Variants in MTHFD1L observed in about 807,000 individuals in gnomAD.
The protein encoded by MTHFD1L is methylenetetrahydrofolate dehydrogenase (NADP+ dependent) 1 like.
In MTHFD1L, 81 loss-of-function variants were observed where a neutral mutation model predicts 119.5. The ratio of observed to expected loss-of-function variants is 0.68; its 90% CI spans 0.57 to 0.82. The LOEUF (loss-of-function observed/expected upper bound fraction) is 0.82. MTHFD1L is among the 40% of genes least tolerant of loss of function. The probability of loss-of-function intolerance (pLI) is 0.00; values close to 1 mark genes in which losing one functional copy is unlikely to be tolerated. For synonymous variants in MTHFD1L, 430 were observed against 475.2 expected, an observed-to-expected ratio of 0.90 and a Z score of 1.24; for missense variants, 1,125 against 1,253.4, an observed-to-expected ratio of 0.90 and a Z score of 1.55.
chr6:151,076,346 G>A (rs1562633252), intron 26 of MTHFD1L, among the ~76,000 whole-genome samples: 1 of 152,030 alleles, frequency 6.6e-6, no homozygotes, highest in Non-Finnish European at 1.5e-5. Context: ...GCAAGACCCT[G>A]TCCCAAAGAA....
intron 11 of MTHFD1L, among the ~76,000 whole-genome samples, chr6:150,934,270 C>G (rs1035566949): frequency 6.6e-6 from 1 of 152,198 alleles, no homozygotes; most frequent in Non-Finnish European, 1.5e-5. Flanking sequence ...CTCCTATTAA[C>G]TGCCCCAATC....
chr6:151,088,488 T>C (rs992946804), intron 26 of MTHFD1L: 4 of 152,182 alleles, frequency 2.6e-5, no homozygotes, highest in African/African-American at 9.7e-5. Context: ...ACAGATTCTC[T>C]CTCTGTTGCC....
chr6:151,031,825 A>G (rs549018090), intron 24 of MTHFD1L, among the ~76,000 whole-genome samples: 32 of 152,158 alleles, frequency 2.1e-4, no homozygotes, highest in Non-Finnish European at 4.1e-4. Context: ...ATAATTTTCA[A>G]GTTTATGCCT....
chr6:151,099,175 CAAAA>C (rs34747023), intron 27 of MTHFD1L, among the ~76,000 whole-genome samples: 3 of 124,366 alleles, frequency 2.4e-5, no homozygotes, highest in Non-Finnish European at 3.4e-5. Flanking sequence ...GACTCCATCT[CAAAA>C]AAAAAAAAAA....
intron 7 of MTHFD1L, among the ~76,000 whole-genome samples, chr6:150,896,610 A>G (rs1026548943): frequency 6.6e-6 from 1 of 152,126 alleles, no homozygotes; most frequent in Non-Finnish European, 1.5e-5. Flanking sequence ...GCTTTGTTTG[A>G]CAGATTTAGG....
At chr6:151,034,450 A>T (rs1271161281) in intron 24 of MTHFD1L, 43 bp from the exon 25 acceptor site, 3 of 1,337,798 alleles carry the variant, frequency 2.2e-6, no homozygotes, top group Non-Finnish European at 2.1e-6. Context: ...ATCTTTAACC[A>T]GATTAAACTT....
At chr6:150,871,179 T>G (rs1352876374) in intron 1 of MTHFD1L, among the ~76,000 whole-genome samples, 2 of 146,392 alleles carry the variant, frequency 1.4e-5, no homozygotes, top group African/African-American at 2.5e-5. Context: ...TAATAATATA[T>G]ATACCTTAAT....
chr6:150,870,335 G>A (rs1287602732), intron 1 of MTHFD1L, among the ~76,000 whole-genome samples: 1 of 152,104 alleles, frequency 6.6e-6, no homozygotes, highest in African/African-American at 2.4e-5. Context: ...GTCACTGTAG[G>A]AATGAGTAAC....
chr6:151,008,937 C>CA (rs1036133248), intron 20 of MTHFD1L, among the ~76,000 whole-genome samples: 5 of 148,584 alleles, frequency 3.4e-5, no homozygotes, highest in African/African-American at 1.3e-4. Flanking sequence ...GCCAACATGG[C>CA]AAAAACCCGT....
In MTHFD1L at chr6:151,034,590, A is replaced by G. The variant is rs770387415; in HGVS notation, c.2684A>G (p.Tyr895Cys). 1 of 1,606,514 alleles carries G rather than the reference A, an allele frequency of 6.2e-7. No homozygotes were observed. The highest frequency in any genetic ancestry group is 8.5e-7 in the Non-Finnish European group (1 of 1,174,928). ...GAGGCACAAGCCAAAATAGATCGTT[A>G]CACTCAACAGGTAAAAGTTCTACTT... Reference protein sequence around the residue: ...SPEAQAKIDRYTQQGFGNLPI... With the variant: ...SPEAQAKIDRCTQQGFGNLPI... The change falls in exon 25 of 28, where the codon TAC becomes TGC. Residue 895 changes from tyrosine to cysteine, a missense_variant. Physicochemically the swap from Tyr to Cys is radical, Grantham distance 194. Transcript: ENST00000367321.
intron 24 of MTHFD1L, among the ~76,000 whole-genome samples, chr6:151,030,637 C>G (rs1458068229): frequency 1.3e-5 from 2 of 152,216 alleles, no homozygotes; most frequent in Non-Finnish European, 2.9e-5. Context: ...AAAAAGTCTT[C>G]TGCGCTGTTG....
intron 24 of MTHFD1L, chr6:151,022,014 G>T (rs1431385780): frequency 2.1e-6 from 1 of 471,180 alleles, no homozygotes; most frequent in South Asian, 1.5e-5. Flanking sequence ...GGTCTTTCCT[G>T]TTCCTTGCGT....
At chr6:151,004,537 C>T (rs966230070) in intron 20 of MTHFD1L, among the ~76,000 whole-genome samples, 2 of 152,146 alleles carry the variant, frequency 1.3e-5, no homozygotes, top group East Asian at 1.9e-4. Context: ...ATTTTTACAA[C>T]ACAACTCTGG....
At chr6:150,869,053 C>G (rs1679609269) in intron 1 of MTHFD1L, among the ~76,000 whole-genome samples, 1 of 152,024 alleles carries the variant, frequency 6.6e-6, no homozygotes, top group African/African-American at 2.4e-5. Flanking sequence ...GGAGTGAGAC[C>G]TTATTTTTTA....
intron 7 of MTHFD1L, among the ~76,000 whole-genome samples, chr6:150,900,761 A>G (rs1204510108): frequency 6.6e-6 from 1 of 152,152 alleles, no homozygotes. Flanking sequence ...CACGCCTGTA[A>G]TCCCAGCTCT....
chr6:150,893,363 C>T (rs1160771236), intron 7 of MTHFD1L, among the ~76,000 whole-genome samples: 1 of 152,108 alleles, frequency 6.6e-6, no homozygotes, highest in African/African-American at 2.4e-5. Flanking sequence ...CTGTGCCTGG[C>T]CCACATGGGG....
In MTHFD1L at chr6:150,951,897, A is replaced by C. The variant is rs558991530; in HGVS notation, c.1726+2764A>C. ...GGAAGGTGGAAATTAGTGTATTTTA[A>C]ACCAAGCATATGGATGTGCTAAAAG... On this transcript the variant is annotated intron_variant, in intron 16 of 27. Coordinates refer to ENST00000367321, the MANE Select transcript of MTHFD1L (RefSeq NM_015440.5). Among the ~76,000 whole-genome samples, 63 of 152,270 alleles carry C rather than the reference A, an allele frequency of 4.1e-4. 2 individuals carry two copies. Among genetic ancestry groups the C allele is most frequent in the African/African-American group, 1.5e-3 (61 of 41,542 alleles).
At position 151,028,003 on chromosome 6, in the gene MTHFD1L, C is replaced by CA. The variant is rs202073325; in HGVS notation, c.2587-6489dup. Among the ~76,000 whole-genome samples the CA allele has an allele frequency of 7.6e-3, 1,158 of 152,226 alleles. 17 individuals carry two copies. The highest frequency in any genetic ancestry group is 0.026 in the African/African-American group (1,095 of 41,526). On this transcript the variant is annotated intron_variant, in intron 24 of 27. Coordinates refer to ENST00000367321, the MANE Select transcript of MTHFD1L (RefSeq NM_015440.5). The stretch of plus-strand genomic sequence containing the variant: ...CACCAGAATGCACCTTCATCTTCTC[C>CA]AGTGGTGGCGAGGTTGAGGCCAAGC...
At chr6:150,985,293 G>A (rs1281126622) in intron 20 of MTHFD1L, 1 of 152,152 alleles carries the variant, frequency 6.6e-6, no homozygotes, top group African/African-American at 2.4e-5. Flanking sequence ...AAACAGTGCT[G>A]CTTATGTGTT....
Sources: allele counts gnomAD v4.1 joint callset (sites outside exome capture counted in the v4.1 genomes callset), GRCh38; gene constraint gnomAD v4.1.1; transcripts MANE v1.5; gene names NCBI Gene and HGNC (gene_info 2026-07-23, HGNC 2026-07-21).